The following NARS2 variants were observed in gnomAD, a reference collection of about 807,000 sequenced individuals.
NARS2 encodes the protein asparaginyl-tRNA synthetase 2, mitochondrial.
NARS2 carries 60 observed loss-of-function variants against 62.9 expected under a neutral mutation model. The observed-to-expected ratio is 0.95, with a 90% CI of 0.77 to 1.18. The LOEUF (loss-of-function observed/expected upper bound fraction) is 1.18. NARS2 is among the 50% of genes most tolerant of loss of function. The probability of loss-of-function intolerance (pLI) is 0.00; values close to 1 mark genes in which losing one functional copy is unlikely to be tolerated. For missense variants in NARS2, 619 were observed against 576.4 expected (o/e 1.07, Z -0.76); for synonymous variants, 196 against 200.0 (o/e 0.98, Z 0.17).
intron 5 of NARS2, among the ~76,000 whole-genome samples, chr11:78,546,130 G>A (rs1855865923): frequency 6.6e-6 from 1 of 152,200 alleles, no homozygotes; most frequent in South Asian, 2.1e-4. Flanking sequence ...CTGGAGTCAT[G>A]TGAAGGCTAG....
At chr11:78,560,882 T>G (rs541317946) in intron 4 of NARS2, among the ~76,000 whole-genome samples, 2 of 152,214 alleles carry the variant, frequency 1.3e-5, no homozygotes, top group Non-Finnish European at 2.9e-5. Context: ...CCAAGAATCA[T>G]GGACATGAAA....
intron 3 of NARS2, among the ~76,000 whole-genome samples, chr11:78,568,194 A>C (rs1485087778): frequency 6.6e-6 from 1 of 152,254 alleles, no homozygotes; most frequent in African/African-American, 2.4e-5. Flanking sequence ...ACTACTGAGC[A>C]CTTGAAATGT....
At chr11:78,561,939 T>C (rs1480136942) in intron 4 of NARS2, among the ~76,000 whole-genome samples, 1 of 152,110 alleles carries the variant, frequency 6.6e-6, no homozygotes, top group African/African-American at 2.4e-5. Flanking sequence ...TGCACACCTG[T>C]AGTCCCAGAT....
Position 78,465,919 on chromosome 11 carries a change from T to C in NARS2, c.1121A>G (p.Lys374Arg). The C allele has an allele frequency of 6.2e-7, 1 of 1,614,082 alleles. No individual in the cohort carries two copies. Reference sequence around the variant, plus strand: ...TTCATTATCCCTCATGTAGAAAGGCTTGAGTGTTAATGGATAATTAATAAC... The same window carrying C: ...TTCATTATCCCTCATGTAGAAAGGCCTGAGTGTTAATGGATAATTAATAAC... ...VFVINYPLTLKPFYMRDNEDG... is the reference protein window; with the variant it reads ...VFVINYPLTLRPFYMRDNEDG... Residue 374 changes from lysine (K) to arginine (R), a missense_variant, in exon 11 of 14, where the codon AAG becomes AGG. Physicochemically the swap from Lys to Arg is conservative, Grantham distance 26. Coordinates refer to ENST00000281038, the MANE Select transcript of NARS2 (RefSeq NM_024678.6).
At chr11:78,564,336 T>C (rs977936830) in intron 4 of NARS2, among the ~76,000 whole-genome samples, 1 of 151,900 alleles carries the variant, frequency 6.6e-6, no homozygotes, top group Admixed American at 6.6e-5. Flanking sequence ...GGTGGGACTA[T>C]AGGCACATGC....
chr11:78,540,096 T>C (rs1342223158), intron 5 of NARS2, among the ~76,000 whole-genome samples: 2 of 152,154 alleles, frequency 1.3e-5, no homozygotes, highest in East Asian at 3.8e-4. Flanking sequence ...AACCTAGCCT[T>C]TCTCTATTAT....
In NARS2 at chr11:78,436,644, G is replaced by T. The variant is rs774825549; in HGVS notation, c.*26C>A. ...ATGTGCAGTGTCTCTGCCATGGGGG[G>T]TGCTTTTCCTTAACCAATCTTCCAG... On this transcript the variant is annotated 3_prime_UTR_variant, in exon 14 of 14. Transcript: ENST00000281038. 6.2e-7 allele frequency: 1 copy of T among 1,613,330 alleles called. No homozygotes were observed. Among genetic ancestry groups the T allele is most frequent in the Non-Finnish European group, 8.5e-7 (1 of 1,179,454 alleles).
At chr11:78,455,156 T>A (rs1190486943) in intron 11 of NARS2, among the ~76,000 whole-genome samples, 1 of 152,178 alleles carries the variant, frequency 6.6e-6, no homozygotes, top group Non-Finnish European at 1.5e-5. Flanking sequence ...TTAGAATACA[T>A]ACAATGCCTC....
intron 6 of NARS2, among the ~76,000 whole-genome samples, chr11:78,516,023 G>A (rs1433075485): frequency 6.6e-6 from 1 of 151,976 alleles, no homozygotes; most frequent in African/African-American, 2.4e-5. Context: ...CATTTCTCTG[G>A]GCCATGAAAA....
intron 6 of NARS2, among the ~76,000 whole-genome samples, chr11:78,523,325 T>C (rs937232893): frequency 6.6e-6 from 1 of 152,138 alleles, no homozygotes; most frequent in Non-Finnish European, 1.5e-5. Flanking sequence ...AATAAGCATT[T>C]GCAAGGATGT....
At chr11:78,453,523 AAG>A (rs1479376520) in intron 11 of NARS2, among the ~76,000 whole-genome samples, 1 of 152,176 alleles carries the variant, frequency 6.6e-6, no homozygotes, top group Non-Finnish European at 1.5e-5. Context: ...CTAAAGCTGA[AAG>A]AGGGAAAAAG....
chr11:78,471,995 G>A (rs1207112988), intron 9 of NARS2, among the ~76,000 whole-genome samples: 1 of 152,010 alleles, frequency 6.6e-6, no homozygotes, highest in Non-Finnish European at 1.5e-5. Flanking sequence ...TGAGAAATAT[G>A]AGAGCAGTCA....
intron 6 of NARS2, among the ~76,000 whole-genome samples, chr11:78,522,118 A>C (rs932351217): frequency 1.5e-5 from 2 of 137,846 alleles, no homozygotes; most frequent in African/African-American, 6.7e-5. Context: ...ACATCCAGCT[A>C]ATTTTTTTTT....
intron 13 of NARS2, among the ~76,000 whole-genome samples, chr11:78,438,753 G>A (rs1857487413): frequency 6.6e-6 from 1 of 152,158 alleles, no homozygotes; most frequent in Non-Finnish European, 1.5e-5. Flanking sequence ...TTTGCATATG[G>A]GGTACAGAAA....
chr11:78,440,150 G>A (rs1024279706), intron 13 of NARS2, among the ~76,000 whole-genome samples: 6 of 152,102 alleles, frequency 3.9e-5, no homozygotes, highest in African/African-American at 7.2e-5. Context: ...TGTAACCTCC[G>A]CCTCCCAGGT....
intron 6 of NARS2, among the ~76,000 whole-genome samples, chr11:78,516,767 A>G (rs1860927661): frequency 6.6e-6 from 1 of 152,266 alleles, no homozygotes; most frequent in Non-Finnish European, 1.5e-5. Flanking sequence ...ATTTTCTGAT[A>G]AATAGAATTG....
intron 6 of NARS2, among the ~76,000 whole-genome samples, chr11:78,506,587 T>C (rs993878716): frequency 3.9e-5 from 6 of 152,166 alleles, no homozygotes; most frequent in Non-Finnish European, 7.4e-5. Context: ...CAGGCTGGAG[T>C]GCAGTGGTGC....
At chr11:78,534,562 T>C (rs1861601522) in intron 5 of NARS2, among the ~76,000 whole-genome samples, 1 of 152,200 alleles carries the variant, frequency 6.6e-6, no homozygotes, top group Non-Finnish European at 1.5e-5. Flanking sequence ...AATCAGAACT[T>C]TGTCAGTGTA....
chr11:78,438,962 C>T (rs1253151124), intron 13 of NARS2, among the ~76,000 whole-genome samples: 1 of 151,686 alleles, frequency 6.6e-6, no homozygotes, highest in African/African-American at 2.4e-5. Context: ...ACTTTCAAGG[C>T]CTAAACTTAT....
Sources: gnomAD v4.1 joint callset for allele counts (sites outside exome capture counted in the v4.1 genomes callset) on GRCh38, gnomAD v4.1.1 for gene constraint, MANE v1.5 for transcripts, NCBI Gene and HGNC (gene_info 2026-07-23, HGNC 2026-07-21) for gene names.